The following USP12 variants were observed in gnomAD, a reference collection of about 807,000 sequenced individuals.
The protein encoded by USP12 is ubiquitin carboxyl-terminal hydrolase 12.
Under a neutral mutation model 45.5 loss-of-function variants are expected in USP12, and 19 were observed. That is an observed-to-expected ratio of 0.42 (90% CI 0.29 to 0.61). The LOEUF is 0.61. USP12 is among the 20% of genes least tolerant of loss of function. USP12 has a pLI of 0.22. For missense variants in USP12, 242 were observed against 447.7 expected, an observed-to-expected ratio of 0.54 and a Z score of 4.15; for synonymous variants, 149 against 148.8, an observed-to-expected ratio of 1.00 and a Z score of -0.01.
At chr13:27,128,834 T>C (rs929741701) in intron 1 of USP12, among the ~76,000 whole-genome samples, 59 of 152,200 alleles carry the variant, frequency 3.9e-4, no homozygotes, top group Non-Finnish European at 3.1e-4. Context: ...CGCTTCTATT[T>C]TTCCCAGCAC....
rs985919386 is a variant in USP12, at chr13:27,087,123, G to A, written c.734+2760C>T. Reference sequence around the variant, plus strand: ...GCTGTGTGTGTGTGTGTGTGTGTGTGCGTGTGTGAGAGTGTGTGTGTGTTT... The same window carrying A: ...GCTGTGTGTGTGTGTGTGTGTGTGTACGTGTGTGAGAGTGTGTGTGTGTTT... On this transcript the variant is annotated intron_variant, in intron 6 of 8. Transcript: ENST00000282344. Among the ~76,000 whole-genome samples the A allele has an allele frequency of 3.3e-5, 5 of 149,948 alleles. No individual in the cohort carries two copies. The East Asian group carries it at 7.7e-4, about 23-fold the overall frequency.
intron 4 of USP12, among the ~76,000 whole-genome samples, chr13:27,092,240 G>A (rs562026626): frequency 6.6e-6 from 1 of 152,342 alleles, no homozygotes; most frequent in South Asian, 2.1e-4. Context: ...AGGGGAGACA[G>A]TGCATGTACT....
chr13:27,159,889 A>T (rs1878025944), intron 1 of USP12, among the ~76,000 whole-genome samples: 1 of 152,246 alleles, frequency 6.6e-6, no homozygotes, highest in Non-Finnish European at 1.5e-5. Context: ...ACTACAACCC[A>T]GTTTCAGAGA....
At chr13:27,132,853 G>A (rs1876569391) in intron 1 of USP12, among the ~76,000 whole-genome samples, 1 of 152,174 alleles carries the variant, frequency 6.6e-6, no homozygotes, top group Admixed American at 6.5e-5. Flanking sequence ...CATGACTCTA[G>A]CCTTATCCTA....
At chr13:27,081,650 A>G (rs565984966) in intron 6 of USP12, among the ~76,000 whole-genome samples, 2 of 152,334 alleles carry the variant, frequency 1.3e-5, no homozygotes, top group East Asian at 3.9e-4. Flanking sequence ...GTTTCAATTT[A>G]CTTTGCTCAG....
intron 3 of USP12, among the ~76,000 whole-genome samples, chr13:27,098,119 T>C (rs1874685599): frequency 6.6e-6 from 1 of 152,090 alleles, no homozygotes; most frequent in Admixed American, 6.6e-5. Flanking sequence ...GTAAAGTTGT[T>C]ACTACCTCAG....
intron 6 of USP12, among the ~76,000 whole-genome samples, chr13:27,082,976 T>C (rs1267388894): frequency 6.6e-6 from 1 of 152,160 alleles, no homozygotes; most frequent in African/African-American, 2.4e-5. Context: ...GCTGGGATTA[T>C]AGGCATGCGC....
At chr13:27,132,493 C>T (rs1876552115) in intron 1 of USP12, among the ~76,000 whole-genome samples, 1 of 152,146 alleles carries the variant, frequency 6.6e-6, no homozygotes, top group Admixed American at 6.5e-5. Context: ...CATTAAATTA[C>T]TGCCCCTCGA....
intron 4 of USP12, among the ~76,000 whole-genome samples, chr13:27,093,150 G>A (rs1049400044): frequency 3.3e-5 from 5 of 151,380 alleles, no homozygotes; most frequent in South Asian, 2.1e-4. Flanking sequence ...GAGCCACTGC[G>A]CTCCAGCCTG....
At position 27,116,724 on chromosome 13, in the gene USP12, C is replaced by T. The variant is rs139708189; in HGVS notation, c.49-128G>A. 437 of 684,684 alleles carry T rather than the reference C, an allele frequency of 6.4e-4. 2 individuals carry two copies. In the African/African-American group the frequency reaches 6.9e-3, roughly 11 times the overall value. 42.4% of individuals were successfully genotyped at this position (684,684 alleles called of 1,614,324 possible). On this transcript the variant is annotated intron_variant, in intron 1 of 8. Coordinates refer to ENST00000282344, the MANE Select transcript of USP12 (RefSeq NM_182488.4). Reference sequence around the variant, plus strand: ...ACGATGGAGCTGCCCTACACAGGTGCGTCTTTATCCTTTACACCGTATTTT... The same window carrying T: ...ACGATGGAGCTGCCCTACACAGGTGTGTCTTTATCCTTTACACCGTATTTT...
At chr13:27,106,093 A>T in intron 2 of USP12, 149 bp from the exon 3 acceptor site, 1 of 649,602 alleles carries the variant, frequency 1.5e-6, no homozygotes, top group Non-Finnish European at 2.4e-6. Context: ...ACATTTTAAA[A>T]TACAACTCTC....
chr13:27,097,097 T>C (rs1449852491), intron 3 of USP12, among the ~76,000 whole-genome samples: 4 of 148,430 alleles, frequency 2.7e-5, no homozygotes, highest in Non-Finnish European at 6.0e-5. Context: ...TAAATGGCAA[T>C]CAATTTATAA....
intron 7 of USP12, among the ~76,000 whole-genome samples, chr13:27,072,138 A>G (rs1873272386): frequency 1.3e-5 from 2 of 152,296 alleles, no homozygotes; most frequent in Middle Eastern, 3.4e-3. Context: ...TGACACATCA[A>G]AACTTTTTCT....
intron 1 of USP12, among the ~76,000 whole-genome samples, chr13:27,122,882 A>G (rs991705637): frequency 6.6e-6 from 1 of 152,008 alleles, no homozygotes; most frequent in Non-Finnish European, 1.5e-5. Flanking sequence ...TCAAGAGGTC[A>G]GGAGATTGAG....
rs796864280 is a variant in USP12, at chr13:27,150,893, CA to C, written c.48+20698del. Among the ~76,000 whole-genome samples the C allele has an allele frequency of 6.6e-5, 10 of 152,208 alleles. No individual in the cohort carries two copies. In the South Asian group the frequency reaches 2.1e-3, roughly 32 times the overall value. On this transcript the variant is annotated intron_variant, in intron 1 of 8. Transcript: ENST00000282344. ...AGTTACCTTTACCTCAAACCATGTA[CA>C]AAAAACTAACTCCAAACAGATCAAA... is the stretch of plus-strand genomic sequence containing the variant.
At chr13:27,092,929 G>A (rs1041344882) in intron 4 of USP12, among the ~76,000 whole-genome samples, 3 of 152,168 alleles carry the variant, frequency 2.0e-5, no homozygotes, top group African/African-American at 2.4e-5. Context: ...AGGCCCGGTG[G>A]CTCACGCCTG....
intron 1 of USP12, among the ~76,000 whole-genome samples, chr13:27,127,840 A>G (rs902353652): frequency 5.3e-5 from 8 of 152,260 alleles, no homozygotes; most frequent in Non-Finnish European, 1.0e-4. Context: ...AAATTTACTC[A>G]GAGGACTCCA....
At chr13:27,106,351 T>G (rs1287018241) in intron 2 of USP12, among the ~76,000 whole-genome samples, 3 of 134,562 alleles carry the variant, frequency 2.2e-5, no homozygotes, top group African/African-American at 2.8e-5. Flanking sequence ...GGTATGTCAC[T>G]ACATCTTACT....
intron 1 of USP12, among the ~76,000 whole-genome samples, chr13:27,146,811 C>A (rs1877329454): frequency 6.6e-6 from 1 of 152,150 alleles, no homozygotes; most frequent in African/African-American, 2.4e-5. Context: ...CATAATGTAA[C>A]CTTATTTAGA....
Sources: allele counts gnomAD v4.1 joint callset (sites outside exome capture counted in the v4.1 genomes callset), GRCh38; gene constraint gnomAD v4.1.1; transcripts MANE v1.5; gene names NCBI Gene and HGNC (gene_info 2026-07-23, HGNC 2026-07-21).